Variants in SP110 observed in about 807,000 individuals in gnomAD.
SP110 encodes the protein SP110 nuclear body protein.
In SP110, 62 loss-of-function variants were observed where a neutral mutation model predicts 92.7. That is an observed-to-expected ratio of 0.67 (90% CI 0.55 to 0.83). The LOEUF (loss-of-function observed/expected upper bound fraction) is 0.83. Among genes scored for constraint, SP110 ranks in the 40% least tolerant of loss-of-function variants. The probability of loss-of-function intolerance (pLI) is 0.00; values close to 1 mark genes in which losing one functional copy is unlikely to be tolerated. For missense variants in SP110, 793 were observed against 863.9 expected (o/e 0.92, Z 1.03); for synonymous variants, 273 against 305.3 (o/e 0.89, Z 1.10).
intron 2 of SP110, among the ~76,000 whole-genome samples, chr2:230,216,200 T>C (rs145816445): frequency 2.6e-5 from 4 of 152,340 alleles, no homozygotes; most frequent in Non-Finnish European, 4.4e-5. Context: ...AGCCAAGATA[T>C]ATCCATCTAG....
rs1191191022 is a variant in SP110 at position 230,165,984 on chromosome 2, C to T, written c.*3140G>A. Among the ~76,000 whole-genome samples, 1 of 150,674 alleles carries T rather than the reference C, an allele frequency of 6.6e-6. No individual in the cohort carries two copies. Among genetic ancestry groups the T allele is most frequent in the Non-Finnish European group, 1.5e-5 (1 of 67,814 alleles). ...TCTCGGCTCACTGCAACCTCCACCT[C>T]CCGGGTTCAAGCGATTCTCCTGCCT... On this transcript the variant is annotated 3_prime_UTR_variant, in exon 19 of 19. Transcript: ENST00000258381.
Position 230,168,384 on chromosome 2 carries a change from A to AT in SP110, c.*739dup, listed in dbSNP as rs1452709036. On this transcript the variant is annotated 3_prime_UTR_variant, in exon 19 of 19. Coordinates refer to ENST00000258381, the MANE Select transcript of SP110 (RefSeq NM_080424.4). Reference sequence around the variant, plus strand: ...TTAAAGAGAAGCTATTTGCAGAATAATTCTGACCAATAATTATGTAAAAAA... The same window carrying AT: ...TTAAAGAGAAGCTATTTGCAGAATAATTTCTGACCAATAATTATGTAAAAAA... 7.5e-6 allele frequency: 1 copy of AT among 133,324 alleles called. No homozygotes were observed. The highest frequency in any genetic ancestry group is 2.8e-5 in the African/African-American group (1 of 35,916). The allele number at this position is 133,324 out of a possible 1,614,324, so 8.3% of individuals were successfully genotyped here. A position where few individuals can be genotyped will look rare whatever the true frequency, so the allele number is the denominator to read the frequency against.
intron 3 of SP110, 66 bp downstream of exon 3, chr2:230,214,884 A>T: frequency 7.4e-7 from 1 of 1,359,244 alleles, no homozygotes; most frequent in East Asian, 2.3e-5. Context: ...ACAGGGCTAG[A>T]AGTAAACCCA....
intron 11 of SP110, among the ~76,000 whole-genome samples, chr2:230,185,100 A>G (rs1480466664): frequency 1.3e-5 from 2 of 152,216 alleles, no homozygotes; most frequent in South Asian, 2.1e-4. Context: ...CTGTTTGTTC[A>G]TCATAAATTA....
At chr2:230,218,944 G>T (rs1032406141) in intron 1 of SP110, among the ~76,000 whole-genome samples, 19 of 152,190 alleles carry the variant, frequency 1.2e-4, no homozygotes, top group Non-Finnish European at 2.8e-4. Flanking sequence ...CATAAAGAAG[G>T]CCAGGCATGG....
chr2:230,208,863 C>A (rs1215333695), intron 7 of SP110, among the ~76,000 whole-genome samples: 1 of 152,056 alleles, frequency 6.6e-6, no homozygotes, highest in African/African-American at 2.4e-5. Flanking sequence ...AGAGGAAAGG[C>A]AGGTTTAAGA....
At chr2:230,179,700 C>T (rs1397608589) in intron 12 of SP110, among the ~76,000 whole-genome samples, 2 of 152,004 alleles carry the variant, frequency 1.3e-5, no homozygotes, top group African/African-American at 4.8e-5. Context: ...TTCCCTTCTA[C>T]AGTTCTCTGT....
intron 11 of SP110, 27 bp from the exon 12 acceptor site, chr2:230,183,667 T>A (rs1451654513): frequency 4.6e-6 from 6 of 1,295,052 alleles, no homozygotes; most frequent in Middle Eastern, 1.8e-4. Context: ...TAATCACTTA[T>A]AGCTACAAAC....
At chr2:230,220,526 C>T (rs28364594), upstream of SP110, among the ~76,000 whole-genome samples, 85 of 152,288 alleles carry the variant, frequency 5.6e-4, 2 homozygotes, top group East Asian at 0.014. Context: ...TGTGCAGAGG[C>T]AGGCAGACCT....
chr2:230,175,287 T>C (rs2041807070), intron 14 of SP110, among the ~76,000 whole-genome samples: 1 of 152,206 alleles, frequency 6.6e-6, no homozygotes, highest in Admixed American at 6.5e-5. Context: ...CAAAACCATT[T>C]GGTGGCTTTC....
At chr2:230,198,663 T>G (rs1450524949) in intron 10 of SP110, among the ~76,000 whole-genome samples, 1 of 152,106 alleles carries the variant, frequency 6.6e-6, no homozygotes, top group Non-Finnish European at 1.5e-5. Context: ...GGCATGATCT[T>G]GGCTCACTGC....
intron 8 of SP110, among the ~76,000 whole-genome samples, chr2:230,207,396 C>A (rs2043985959): frequency 6.6e-6 from 1 of 152,122 alleles, no homozygotes; most frequent in Admixed American, 6.5e-5. Context: ...CCTTGTGTTC[C>A]TGCAGCACTC....
chr2:230,206,595 TTATATATATATATATATA>T (rs56817002), intron 8 of SP110, among the ~76,000 whole-genome samples: 1,353 of 70,506 alleles, frequency 0.019, 97 homozygotes, highest in South Asian at 0.044. Flanking sequence ...GGTCCAGATT[TTATATATATATATATATA>T]TATATATATA....
chr2:230,221,515 C>T (rs1187479344), upstream of SP110, among the ~76,000 whole-genome samples: 2 of 152,090 alleles, frequency 1.3e-5, no homozygotes, highest in Non-Finnish European at 1.5e-5. Flanking sequence ...ATAGCAGACC[C>T]GGCCTTGCGG....
At chr2:230,202,969 A>G (rs1158632216) in intron 8 of SP110, 1 of 548,634 alleles carries the variant, frequency 1.8e-6, no homozygotes, top group Non-Finnish European at 3.3e-6. Context: ...GTTGCAATCA[A>G]CTAGATAAAG....
chr2:230,177,407 T>G, intron 14 of SP110, 131 bp downstream of exon 14: 1 of 1,011,292 alleles, frequency 9.9e-7, no homozygotes. Context: ...GTTTTTTTTC[T>G]ATGAACATTT....
chr2:230,209,948 G>A lies in SP110; in HGVS notation c.812C>T (p.Thr271Ile), dbSNP rs1385091179. 6.2e-7 allele frequency: 1 copy of A among 1,605,268 alleles called. No individual in the cohort carries two copies. Among genetic ancestry groups the A allele is most frequent in the Non-Finnish European group, 8.5e-7 (1 of 1,171,912 alleles). ...DPEEPQEVSS[T>I]PSDKKGKKRK... ...TTTCTTACCTTTCTTGTCTGAAGGTGTGCTGGACACCTCCTGGGGCTCTTC... is the reference window on the plus strand; with the variant it reads ...TTTCTTACCTTTCTTGTCTGAAGGTATGCTGGACACCTCCTGGGGCTCTTC... Residue 271 changes from threonine to isoleucine, a missense_variant, in exon 7 of 19, where the codon ACA becomes ATA. Physicochemically the swap from Thr to Ile is moderately conservative, Grantham distance 89. Transcript: ENST00000258381.
At chr2:230,220,677 T>A (rs1420281899), upstream of SP110, among the ~76,000 whole-genome samples, 4 of 152,038 alleles carry the variant, frequency 2.6e-5, no homozygotes, top group African/African-American at 9.7e-5. Flanking sequence ...TAAAGATCCC[T>A]AATGTACATT....
rs143947917 is a variant in SP110 at position 230,207,703 on chromosome 2, T to C, written c.898+288A>G. ...TCAACAATACCTGCAAAACTGATCT[T>C]GAATTGGCACTCTTCTCTGCATCTC... On this transcript the variant is annotated intron_variant, in intron 8 of 18. Coordinates refer to ENST00000258381, the MANE Select transcript of SP110 (RefSeq NM_080424.4). Among the ~76,000 whole-genome samples the C allele has an allele frequency of 1.7e-3, 260 of 152,320 alleles. 2 individuals are homozygous for C. Among genetic ancestry groups the C allele is most frequent in the African/African-American group, 5.8e-3 (242 of 41,572 alleles).
Sources: gnomAD v4.1 joint callset for allele counts (sites outside exome capture counted in the v4.1 genomes callset) on GRCh38, gnomAD v4.1.1 for gene constraint, MANE v1.5 for transcripts, NCBI Gene and HGNC (gene_info 2026-07-23, HGNC 2026-07-21) for gene names.